The following CNTNAP2 variants were observed in gnomAD, a reference collection of about 807,000 sequenced individuals.
The protein encoded by CNTNAP2 is contactin associated protein 2.
Under a neutral mutation model 155.2 loss-of-function variants are expected in CNTNAP2, and 98 were observed. The ratio of observed to expected loss-of-function variants is 0.63; its 90% confidence interval spans 0.54 to 0.75. CNTNAP2 has a LOEUF of 0.75. Among genes scored for constraint, CNTNAP2 ranks in the 30% least tolerant of loss-of-function variants. CNTNAP2 has a pLI of 0.00. For synonymous variants in CNTNAP2, 651 were observed against 631.2 expected, an observed-to-expected ratio of 1.03 and a Z score of -0.47; for missense variants, 1,727 against 1,688.1, an observed-to-expected ratio of 1.02 and a Z score of -0.40.
intron 11 of CNTNAP2, among the ~76,000 whole-genome samples, chr7:147,488,606 T>C (rs544902622): frequency 3.1e-4 from 47 of 152,296 alleles, no homozygotes; most frequent in Non-Finnish European, 5.4e-4. Context: ...GAACATTTGT[T>C]AGAGTTTCAA....
At chr7:146,342,270 C>G (rs1165370619) in intron 1 of CNTNAP2, among the ~76,000 whole-genome samples, 2 of 152,110 alleles carry the variant, frequency 1.3e-5, no homozygotes, top group African/African-American at 4.8e-5. Flanking sequence ...CCTGGTGAAT[C>G]TAATATGTTT....
chr7:147,923,829 C>T (rs1024813830), intron 14 of CNTNAP2, among the ~76,000 whole-genome samples: 1 of 152,124 alleles, frequency 6.6e-6, no homozygotes. Flanking sequence ...CCATGCGTAG[C>T]CTCCTAGAGC....
intron 9 of CNTNAP2, among the ~76,000 whole-genome samples, chr7:147,317,774 ATATG>A (rs1795257751): frequency 9.8e-6 from 1 of 102,508 alleles, no homozygotes; most frequent in Non-Finnish European, 1.9e-5. Flanking sequence ...ATATATATAT[ATATG>A]TGTGTGTGTG....
intron 1 of CNTNAP2, among the ~76,000 whole-genome samples, chr7:146,766,927 TAGGAAACA>T (rs906426608): frequency 2.0e-4 from 30 of 152,150 alleles, no homozygotes; most frequent in Admixed American, 9.2e-4. Context: ...CTCCATCTAG[TAGGAAACA>T]AGAGAGATAT....
In CNTNAP2 at chr7:146,370,260, TAA is replaced by T. The variant is rs34996621; in HGVS notation, c.97+253315_97+253316del. 1.0e-2 allele frequency among the ~76,000 whole-genome samples: 875 copies of T among 87,554 alleles called. 4 individuals carry two copies. Among genetic ancestry groups the T allele is most frequent in the Non-Finnish European group, 0.014 (649 of 46,454 alleles). 57.4% of individuals were successfully genotyped at this position (87,554 alleles called of 152,430 possible). On this transcript the variant is annotated intron_variant, in intron 1 of 23. Transcript: ENST00000361727. ...AATAGGTGAAACCCCATCTCTACTT[TAA>T]AAAAAAAAAAAAAAAAAAAAAAAAA... is the stretch of plus-strand genomic sequence containing the variant.
chr7:148,002,530 T>A (rs1801916373), intron 15 of CNTNAP2, among the ~76,000 whole-genome samples: 2 of 152,028 alleles, frequency 1.3e-5, no homozygotes, highest in African/African-American at 4.8e-5. Flanking sequence ...CCAACATTTC[T>A]TATCCATTTA....
At chr7:146,160,091 T>C (rs1470111942) in intron 1 of CNTNAP2, among the ~76,000 whole-genome samples, 2 of 152,176 alleles carry the variant, frequency 1.3e-5, no homozygotes, top group East Asian at 3.8e-4. Context: ...CCTGAATGAC[T>C]ACTGAGCACA....
In CNTNAP2 at chr7:147,446,792, C is replaced by T. The variant is rs972058117; in HGVS notation, c.1671-39143C>T. Reference sequence around the variant, plus strand: ...TTTAAAATGTTATATTTTCTCTGGACATTAATTATAATAGAAGATACATCT... The same window carrying T: ...TTTAAAATGTTATATTTTCTCTGGATATTAATTATAATAGAAGATACATCT... On this transcript the variant is annotated intron_variant, in intron 10 of 23. Coordinates refer to ENST00000361727, the MANE Select transcript of CNTNAP2 (RefSeq NM_014141.6). Among the ~76,000 whole-genome samples the T allele has an allele frequency of 3.9e-5, 6 of 152,252 alleles. No homozygotes were observed. The South Asian group carries it at 1.0e-3, about 26-fold the overall frequency.
At chr7:148,309,402 C>T (rs867655814) in intron 21 of CNTNAP2, among the ~76,000 whole-genome samples, 2 of 152,212 alleles carry the variant, frequency 1.3e-5, no homozygotes, top group East Asian at 1.9e-4. Flanking sequence ...AGCCTTCAGT[C>T]GAGATGAAAA....
intron 12 of CNTNAP2, among the ~76,000 whole-genome samples, chr7:147,576,357 G>A (rs564212561): frequency 2.2e-4 from 34 of 152,152 alleles, no homozygotes; most frequent in African/African-American, 7.9e-4. Flanking sequence ...GAAGACATGC[G>A]TTTATTAGCA....
chr7:146,165,840 G>C (rs1211934281), intron 1 of CNTNAP2, among the ~76,000 whole-genome samples: 1 of 152,094 alleles, frequency 6.6e-6, no homozygotes, highest in African/African-American at 2.4e-5. Flanking sequence ...AATGCATAAT[G>C]ATAAAAGATG....
intron 17 of CNTNAP2, among the ~76,000 whole-genome samples, chr7:148,169,959 CA>C (rs398112005): frequency 7.6e-5 from 11 of 144,316 alleles, no homozygotes; most frequent in East Asian, 4.1e-4. Flanking sequence ...AAATCCGCCT[CA>C]AAAAAAAAAA....
chr7:147,587,073 A>G (rs572028381), intron 12 of CNTNAP2, among the ~76,000 whole-genome samples: 1 of 152,306 alleles, frequency 6.6e-6, no homozygotes, highest in Admixed American at 6.5e-5. Context: ...AGCAGTGAGG[A>G]AAGGAAGTGT....
chr7:146,163,191 C>T (rs992226867), intron 1 of CNTNAP2, among the ~76,000 whole-genome samples: 1 of 151,882 alleles, frequency 6.6e-6, no homozygotes, highest in African/African-American at 2.4e-5. Flanking sequence ...AACATTAAAG[C>T]AATTGAATGT....
intron 9 of CNTNAP2, among the ~76,000 whole-genome samples, chr7:147,327,157 C>A (rs1320311904): frequency 1.3e-5 from 2 of 152,184 alleles, no homozygotes; most frequent in African/African-American, 4.8e-5. Flanking sequence ...AGCATACATG[C>A]CCACAACAGA....
chr7:146,815,228 T>C (rs1167143191), intron 2 of CNTNAP2, among the ~76,000 whole-genome samples: 1 of 152,132 alleles, frequency 6.6e-6, no homozygotes, highest in Non-Finnish European at 1.5e-5. Context: ...TAGCAACAAT[T>C]TCAATAATTC....
chr7:148,210,671 C>T (rs919336571), intron 18 of CNTNAP2, among the ~76,000 whole-genome samples: 1 of 152,214 alleles, frequency 6.6e-6, no homozygotes, highest in Non-Finnish European at 1.5e-5. Flanking sequence ...TACATAGAAA[C>T]TGACCTAGAA....
At chr7:147,051,531 T>C (rs1196324846) in intron 4 of CNTNAP2, among the ~76,000 whole-genome samples, 1 of 152,038 alleles carries the variant, frequency 6.6e-6, no homozygotes, top group Non-Finnish European at 1.5e-5. Flanking sequence ...TGTTGATTAA[T>C]GAAATAAGGT....
At chr7:148,243,535 C>A (rs992381167) in intron 20 of CNTNAP2, among the ~76,000 whole-genome samples, 6 of 152,232 alleles carry the variant, frequency 3.9e-5, no homozygotes, top group Admixed American at 2.0e-4. Context: ...CAAGGAGGAG[C>A]AAGTCACATC....
Sources: gnomAD v4.1 joint callset for allele counts (sites outside exome capture counted in the v4.1 genomes callset) on GRCh38, gnomAD v4.1.1 for gene constraint, MANE v1.5 for transcripts, NCBI Gene and HGNC (gene_info 2026-07-23, HGNC 2026-07-21) for gene names.